GIGYF1: variants seen among roughly 807,000 people sequenced by gnomAD.
The protein encoded by GIGYF1 is GRB10-interacting GYF protein 1.
In GIGYF1, 84 loss-of-function variants were observed where a neutral mutation model predicts 147.1. The ratio of observed to expected loss-of-function variants is 0.57; its 90% CI spans 0.48 to 0.68. The LOEUF (loss-of-function observed/expected upper bound fraction) is 0.68. Ranked by LOEUF, GIGYF1 falls within the 30% of genes least tolerant of loss-of-function variation. The probability of loss-of-function intolerance (pLI) is 0.00; values close to 1 mark genes in which losing one functional copy is unlikely to be tolerated. For missense variants in GIGYF1, 1,485 were observed against 1,393.7 expected (o/e 1.07, Z -1.04); for synonymous variants, 752 against 589.5 (o/e 1.28, Z -3.99).
Position 100,686,826 on chromosome 7 carries a change from G to A in GIGYF1, c.524-7C>T, listed in dbSNP as rs373392443. The A allele has an allele frequency of 1.4e-4, 224 of 1,613,490 alleles. No individual in the cohort carries two copies. Among genetic ancestry groups the A allele is most frequent in the Non-Finnish European group, 1.7e-4 (205 of 1,179,672 alleles). On this transcript the variant is annotated splice_region_variant and splice_polypyrimidine_tract_variant and intron_variant, in intron 9 of 26. Transcript: ENST00000678049. ...TCCTCAAAGCCACATCGTGCTGGGA[G>A]ACGGGAAGACAGGGGCAGTTATTAG...
chr7:100,681,127 G>A lies in GIGYF1; in HGVS notation c.*592C>T, dbSNP rs1235061081. 2.0e-5 allele frequency: 3 copies of A among 152,710 alleles called. No individual in the cohort carries two copies. The highest frequency in any genetic ancestry group is 4.1e-4 in the South Asian group (2 of 4,836). 9.5% of individuals were successfully genotyped at this position (152,710 alleles called of 1,614,324 possible). A position where few individuals can be genotyped will look rare whatever the true frequency, so the allele number is the denominator to read the frequency against. ...ACACCTCAGCCAGCCTCAGTGACAG[G>A]AGCTGCTCACAACAGGTCTGGCGGG... On this transcript the variant is annotated 3_prime_UTR_variant, in exon 27 of 27. Coordinates refer to ENST00000678049, the MANE Select transcript of GIGYF1 (RefSeq NM_001375765.1).
rs1804627719 is a variant in GIGYF1 at position 100,680,408 on chromosome 7, AGACGAAC to A, written c.*1304_*1310del. The stretch of plus-strand genomic sequence containing the variant: ...CTGTTACAAAACCCAAAATGGGCGG[AGACGAAC>A]CCAAGTAGGGGACCGGGAATAAGAA... On this transcript the variant is annotated 3_prime_UTR_variant, in exon 27 of 27. Transcript: ENST00000678049. 1 of 152,660 alleles carries A rather than the reference AGACGAAC, an allele frequency of 6.6e-6. No homozygotes were observed. Among genetic ancestry groups the A allele is most frequent in the Non-Finnish European group, 1.5e-5 (1 of 68,088 alleles). 9.5% of individuals were successfully genotyped at this position (152,660 alleles called of 1,614,324 possible).
At chr7:100,691,620 T>C (rs1805834073) in intron 1 of GIGYF1, among the ~76,000 whole-genome samples, 2 of 151,842 alleles carry the variant, frequency 1.3e-5, no homozygotes, top group Admixed American at 6.6e-5. Flanking sequence ...GCTGGGGTAC[T>C]GCCACCTGCC....
At position 100,687,828 on chromosome 7, in the gene GIGYF1, A is replaced by G; in HGVS notation, c.221T>C (p.Leu74Pro). 1 of 1,612,820 alleles carries G rather than the reference A, an allele frequency of 6.2e-7. No homozygotes were observed. Among genetic ancestry groups the G allele is most frequent in the Non-Finnish European group, 8.5e-7 (1 of 1,179,976 alleles). The change falls in exon 6 of 27, where the codon CTG (leucine) becomes CCG (proline). Residue 74 changes from leucine (L) to proline (P), a missense_variant. Transcript: ENST00000678049. ...CAGCGGCTCCAGAGCCAGGGGCTGC[A>G]GTGGCTCGTCCTGCAGCACCGCGGC... ...EFAAVLQDEP[L>P]QPLALEPLTE...
intron 22 of GIGYF1, 53 bp from the exon 23 acceptor site, chr7:100,682,830 G>A (rs1238286153): frequency 8.1e-6 from 12 of 1,484,560 alleles, no homozygotes; most frequent in Admixed American, 2.3e-5. Context: ...CCAGAAAAGC[G>A]GATGGGGAGG....
chr7:100,691,733 A>G (rs1447335314), intron 1 of GIGYF1, among the ~76,000 whole-genome samples: 2 of 151,566 alleles, frequency 1.3e-5, no homozygotes, highest in African/African-American at 2.4e-5. Flanking sequence ...GCCTCGGCCT[A>G]CTTCGGCTCC....
chr7:100,685,643 C>A (rs1224973575), intron 12 of GIGYF1, among the ~76,000 whole-genome samples, 162 bp from the exon 13 acceptor site: 1 of 152,198 alleles, frequency 6.6e-6, no homozygotes, highest in Admixed American at 6.5e-5. Context: ...GAATGCGGTG[C>A]CCTGACCCTC....
chr7:100,693,007 G>C (rs1354702705), intron 1 of GIGYF1, among the ~76,000 whole-genome samples: 2 of 152,320 alleles, frequency 1.3e-5, no homozygotes, highest in East Asian at 3.9e-4. Flanking sequence ...AAGGCGAGGG[G>C]TTGGCGGGGT....
intron 3 of GIGYF1, 32 bp from the exon 4 acceptor site, chr7:100,688,339 A>G (rs980056151): frequency 7.6e-6 from 8 of 1,050,566 alleles, no homozygotes; most frequent in South Asian, 1.4e-5. Flanking sequence ...GAAGAACAGC[A>G]CACGAAGGAG....
chr7:100,688,258 G>C lies in GIGYF1; in HGVS notation c.-20C>G. On this transcript the variant is annotated 5_prime_UTR_variant, in exon 4 of 27. Transcript: ENST00000678049. Reference sequence around the variant, plus strand: ...TGCCATCGTGGGGCTGGGCGTGTTTGAGAGGCCGGGGGTGGGGAGGAGGGG... The same window carrying C: ...TGCCATCGTGGGGCTGGGCGTGTTTCAGAGGCCGGGGGTGGGGAGGAGGGG... 6.4e-7 allele frequency: 1 copy of C among 1,574,418 alleles called. No individual in the cohort carries two copies. Among genetic ancestry groups the C allele is most frequent in the Non-Finnish European group, 8.7e-7 (1 of 1,150,996 alleles).
rs1219608401 is a variant in GIGYF1 at position 100,681,786 on chromosome 7, A to G, written c.3056-15T>C. The G allele has an allele frequency of 3.1e-6, 5 of 1,589,776 alleles. No individual in the cohort carries two copies. In the South Asian group the frequency reaches 5.7e-5, roughly 18 times the overall value. The stretch of plus-strand genomic sequence containing the variant: ...CAGGGAGTACCCTGAAGCCGGGGAG[A>G]AGCTGCGTCTGAGCTCTCTCCTGGG... On this transcript the variant is annotated splice_polypyrimidine_tract_variant and intron_variant, in intron 26 of 26. Coordinates refer to ENST00000678049, the MANE Select transcript of GIGYF1 (RefSeq NM_001375765.1).
rs1005966162 is a variant in GIGYF1, at chr7:100,681,603, G to A, written c.*116C>T. On this transcript the variant is annotated 3_prime_UTR_variant, in exon 27 of 27. Transcript: ENST00000678049. ...TCGTGTGTTTGTAACAAGTGCTGGG[G>A]ACCCCGCCCCTGCCTCTTCCTGTGC... 6.6e-6 allele frequency: 6 copies of A among 913,334 alleles called. No individual in the cohort carries two copies. The highest frequency in any genetic ancestry group is 9.5e-6 in the Non-Finnish European group (6 of 632,222). The allele number at this position is 913,334 out of a possible 1,614,324, so 56.6% of individuals were successfully genotyped here.
Position 100,681,572 on chromosome 7 carries a change from G to A in GIGYF1, c.*147C>T. The A allele has an allele frequency of 1.8e-6, 1 of 561,574 alleles. No individual in the cohort carries two copies. The highest frequency in any genetic ancestry group is 2.9e-6 in the Non-Finnish European group (1 of 339,882). The allele number at this position is 561,574 out of a possible 1,614,324, so 34.8% of individuals were successfully genotyped here. A position where few individuals can be genotyped will look rare whatever the true frequency, so the allele number is the denominator to read the frequency against. ...AAGTGCCTCGTGGTGGGTGAGTTAA[G>A]GTGCATCGTGTGTTTGTAACAAGTG... On this transcript the variant is annotated 3_prime_UTR_variant, in exon 27 of 27. Coordinates refer to ENST00000678049, the MANE Select transcript of GIGYF1 (RefSeq NM_001375765.1).
chr7:100,694,249 G>A lies in GIGYF1; in HGVS notation c.-1238C>T, dbSNP rs1388927368. Among the ~76,000 whole-genome samples, 2 of 145,730 alleles carry A rather than the reference G, an allele frequency of 1.4e-5. No individual in the cohort carries two copies. Among genetic ancestry groups the A allele is most frequent in the Non-Finnish European group, 3.0e-5 (2 of 65,640 alleles). Reference sequence around the variant, plus strand: ...CCGCTCCTCTGTGTTTGTGTTTGTAGCAAGATGGCTGCCCGCCTCGCACCA... The same window carrying A: ...CCGCTCCTCTGTGTTTGTGTTTGTAACAAGATGGCTGCCCGCCTCGCACCA... On this transcript the variant is annotated 5_prime_UTR_variant, in exon 1 of 27. Coordinates refer to ENST00000678049, the MANE Select transcript of GIGYF1 (RefSeq NM_001375765.1).
In GIGYF1 at chr7:100,679,719, G is replaced by A. The variant is rs1804545347; in HGVS notation, c.*2000C>T. 1 of 152,792 alleles carries A rather than the reference G, an allele frequency of 6.5e-6. No individual in the cohort carries two copies. Among genetic ancestry groups the A allele is most frequent in the South Asian group, 2.1e-4 (1 of 4,836 alleles). 9.5% of individuals were successfully genotyped at this position (152,792 alleles called of 1,614,324 possible). On this transcript the variant is annotated 3_prime_UTR_variant, in exon 27 of 27. Coordinates refer to ENST00000678049, the MANE Select transcript of GIGYF1 (RefSeq NM_001375765.1). Reference sequence around the variant, plus strand: ...CCGGGGCCGGGGAAGGACAGCAACAGGGTCTGAGTCCCTGGGCAGGGGGGC... The same window carrying A: ...CCGGGGCCGGGGAAGGACAGCAACAAGGTCTGAGTCCCTGGGCAGGGGGGC...
At chr7:100,686,887 TG>T (rs35436931) in intron 9 of GIGYF1, 68 bp from the exon 10 acceptor site, 1,430,720 of 1,598,950 alleles carry the variant, frequency 0.89, 641,348 homozygotes, top group African/African-American at 0.98. Context: ...CAAGAAACGT[TG>T]GGGGGGCCAG....
intron 1 of GIGYF1, among the ~76,000 whole-genome samples, chr7:100,691,737 C>T (rs934836017): frequency 3.3e-5 from 5 of 152,082 alleles, no homozygotes; most frequent in Admixed American, 6.6e-5. Flanking sequence ...CGGCCTACTT[C>T]GGCTCCTCGC....
Position 100,682,692 on chromosome 7 carries a change from C to T in GIGYF1, c.2498G>A (p.Gly833Asp). Residue 833 changes from glycine (G) to aspartate (D), a missense_variant, in exon 23 of 27, where the codon GGC (glycine) becomes GAC (aspartate). Physicochemically the swap from Gly to Asp is moderately conservative, Grantham distance 94. Transcript: ENST00000678049. ...PLWGGPDKSG[G>D]GSSGLGLWED... Reference sequence around the variant, plus strand: ...CCAGAGCCCCAGGCCGCTGCTGCCGCCCCCACTCTTGTCTGGCCCGCCCCA... The same window carrying T: ...CCAGAGCCCCAGGCCGCTGCTGCCGTCCCCACTCTTGTCTGGCCCGCCCCA... The T allele has an allele frequency of 1.3e-6, 2 of 1,598,964 alleles. No homozygotes were observed. Among genetic ancestry groups the T allele is most frequent in the Non-Finnish European group, 1.7e-6 (2 of 1,173,292 alleles).
chr7:100,689,119 AAGG>A lies in GIGYF1; in HGVS notation c.-665_-663del, dbSNP rs1403102135. On this transcript the variant is annotated 5_prime_UTR_variant, in exon 2 of 27. Coordinates refer to ENST00000678049, the MANE Select transcript of GIGYF1 (RefSeq NM_001375765.1). ...TTGGTCTGGGGAGAAACCCAGTGAA[AAGG>A]AGCAGGAGGTGACTCTAGGGCCACA... 4 of 152,442 alleles carry A rather than the reference AAGG, an allele frequency of 2.6e-5. No individual in the cohort carries two copies. The highest frequency in any genetic ancestry group is 9.7e-5 in the African/African-American group (4 of 41,434). 9.4% of individuals were successfully genotyped at this position (152,442 alleles called of 1,614,324 possible).
Sources: gnomAD v4.1 joint callset for allele counts (sites outside exome capture counted in the v4.1 genomes callset) on GRCh38, gnomAD v4.1.1 for gene constraint, MANE v1.5 for transcripts, NCBI Gene and HGNC (gene_info 2026-07-23, HGNC 2026-07-21) for gene names.